The following HDAC9 variants were observed in gnomAD, a reference collection of about 807,000 sequenced individuals.
HDAC9 encodes the protein MEF-2 interacting transcription repressor (MITR) protein.
HDAC9 carries 41 observed loss-of-function variants against 139.4 expected under a neutral mutation model. That is an observed-to-expected ratio of 0.29 (90% CI 0.23 to 0.38). HDAC9 has a LOEUF of 0.38. Among genes scored for constraint, HDAC9 ranks in the 10% least tolerant of loss-of-function variants. HDAC9 has a pLI of 1.00. For missense variants in HDAC9, 1,147 were observed against 1,297.0 expected, an observed-to-expected ratio of 0.88 and a Z score of 1.78; for synonymous variants, 517 against 476.2, an observed-to-expected ratio of 1.09 and a Z score of -1.12.
intron 1 of HDAC9, among the ~76,000 whole-genome samples, chr7:18,408,452 AT>A (rs1229666504): frequency 9.9e-5 from 15 of 152,178 alleles, no homozygotes; most frequent in Admixed American, 4.6e-4. Flanking sequence ...TCTGACATAA[AT>A]CTTTTAATTT....
intron 8 of HDAC9, among the ~76,000 whole-genome samples, chr7:18,643,258 G>A (rs557918903): frequency 1.3e-5 from 2 of 152,200 alleles, no homozygotes; most frequent in South Asian, 2.1e-4. Flanking sequence ...CCCACACATT[G>A]TAATTTTAAA....
chr7:18,285,289 T>G lies in HDAC9; in HGVS notation c.25+122940T>G, dbSNP rs528972459. On this transcript the variant is annotated intron_variant, in intron 2 of 12. Coordinates refer to the HDAC9 transcript ENST00000417496. ...GTTCATTTTTTAGTGTTATTCAGTATTTTCAGTATCATGATTTGTAGAAAT... is the reference window on the plus strand; with the variant it reads ...GTTCATTTTTTAGTGTTATTCAGTAGTTTCAGTATCATGATTTGTAGAAAT... Among the ~76,000 whole-genome samples, 5 of 152,226 alleles carry G rather than the reference T, an allele frequency of 3.3e-5. No homozygotes were observed. The East Asian group carries it at 9.7e-4, about 29-fold the overall frequency.
chr7:18,391,603 A>G (rs890436154), intron 1 of HDAC9, among the ~76,000 whole-genome samples: 2 of 152,172 alleles, frequency 1.3e-5, no homozygotes, highest in East Asian at 1.9e-4. Flanking sequence ...CTCCACACAA[A>G]TAGTGTTACC....
chr7:18,411,010 T>A (rs1034648736), intron 1 of HDAC9, among the ~76,000 whole-genome samples: 2 of 152,236 alleles, frequency 1.3e-5, no homozygotes, highest in African/African-American at 4.8e-5. Context: ...AAATCATTTC[T>A]TGCCAAGTGA....
chr7:18,981,813 A>G (rs1480565729), intron 25 of HDAC9, among the ~76,000 whole-genome samples: 1 of 152,198 alleles, frequency 6.6e-6, no homozygotes, highest in Non-Finnish European at 1.5e-5. Flanking sequence ...AAGGTAACAT[A>G]TTCACACGTT....
intron 2 of HDAC9, among the ~76,000 whole-genome samples, chr7:18,229,459 G>A (rs1163793571): frequency 1.3e-5 from 2 of 152,198 alleles, no homozygotes; most frequent in Non-Finnish European, 2.9e-5. Flanking sequence ...TATTCCAGCA[G>A]CAGGCTCGGT....
chr7:18,436,055 C>A (rs946403856), intron 1 of HDAC9, among the ~76,000 whole-genome samples: 2 of 151,658 alleles, frequency 1.3e-5, no homozygotes, highest in Non-Finnish European at 2.9e-5. Context: ...TGAGCTCAGG[C>A]AATCCACCTG....
chr7:18,193,484 AAGG>A (rs2128152660), intron 2 of HDAC9, among the ~76,000 whole-genome samples: 1 of 152,276 alleles, frequency 6.6e-6, no homozygotes, highest in African/African-American at 2.4e-5. Flanking sequence ...ACTGAAGTAA[AAGG>A]GGGTTTCGTT....
At chr7:18,711,945 T>C (rs1248748301) in intron 12 of HDAC9, among the ~76,000 whole-genome samples, 4 of 151,876 alleles carry the variant, frequency 2.6e-5, no homozygotes, top group African/African-American at 4.8e-5. Context: ...TTTTTTTTTT[T>C]TTCCTTCGGG....
chr7:18,712,664 A>G (rs973484338), intron 12 of HDAC9, among the ~76,000 whole-genome samples: 13 of 152,316 alleles, frequency 8.5e-5, no homozygotes, highest in Admixed American at 8.5e-4. Context: ...AGGTTCATTG[A>G]CATGTTATAA....
At chr7:18,611,028 C>T (rs1836978563) in intron 6 of HDAC9, among the ~76,000 whole-genome samples, 1 of 152,084 alleles carries the variant, frequency 6.6e-6, no homozygotes, top group Non-Finnish European at 1.5e-5. Context: ...TGAAATCCTT[C>T]GTTTTTTGAA....
At chr7:18,170,770 AT>A (rs1261582856) in intron 2 of HDAC9, among the ~76,000 whole-genome samples, 2 of 151,974 alleles carry the variant, frequency 1.3e-5, no homozygotes, top group Non-Finnish European at 2.9e-5. Context: ...GTGTGGTGTT[AT>A]TTCTGAAGCA....
intron 8 of HDAC9, among the ~76,000 whole-genome samples, chr7:18,638,694 C>T (rs1350223816): frequency 6.6e-6 from 1 of 152,062 alleles, no homozygotes; most frequent in Non-Finnish European, 1.5e-5. Context: ...AGGGAAAACT[C>T]ATTAGCATGT....
intron 1 of HDAC9, among the ~76,000 whole-genome samples, chr7:18,328,178 A>G (rs1800616461): frequency 1.3e-5 from 2 of 151,922 alleles, no homozygotes; most frequent in South Asian, 4.1e-4. Flanking sequence ...TTGGAGAGGA[A>G]ACTACACAGT....
rs1164749385 is a variant in HDAC9 at position 18,915,869 on chromosome 7, C to T, written c.2804-19940C>T. Among the ~76,000 whole-genome samples, 3 of 151,708 alleles carry T rather than the reference C, an allele frequency of 2.0e-5. No individual in the cohort carries two copies. In the East Asian group the frequency reaches 5.8e-4, roughly 29 times the overall value. On this transcript the variant is annotated intron_variant, in intron 22 of 25. Coordinates refer to ENST00000686413, the MANE Select transcript of HDAC9 (RefSeq NM_178425.4). ...AATTGTGTTCCTTTGGATATTTTCT[C>T]ATTTACCAATTATGGGACTGGGCCC...
intron 12 of HDAC9, chr7:18,668,530 A>T: frequency 1.0e-6 from 1 of 979,044 alleles, no homozygotes; most frequent in South Asian, 4.7e-5. Context: ...GTAATCACAA[A>T]CAAAAAAAAC....
At chr7:18,598,937 G>A (rs1326577990) in intron 6 of HDAC9, among the ~76,000 whole-genome samples, 1 of 152,220 alleles carries the variant, frequency 6.6e-6, no homozygotes, top group Non-Finnish European at 1.5e-5. Context: ...AGCGACTCAG[G>A]AGGCTGAGGA....
At chr7:18,429,784 A>C (rs1042593453) in intron 1 of HDAC9, among the ~76,000 whole-genome samples, 26 of 152,166 alleles carry the variant, frequency 1.7e-4, no homozygotes, top group African/African-American at 6.0e-4. Flanking sequence ...ATTTAGATAC[A>C]CTTCCATTGA....
intron 21 of HDAC9, among the ~76,000 whole-genome samples, chr7:18,872,518 C>T (rs1316007176): frequency 6.6e-6 from 1 of 152,086 alleles, no homozygotes; most frequent in Non-Finnish European, 1.5e-5. Context: ...ACCACTGATT[C>T]ACGGTAGCAA....
Sources: gnomAD v4.1 joint callset for allele counts (sites outside exome capture counted in the v4.1 genomes callset) on GRCh38, gnomAD v4.1.1 for gene constraint, MANE v1.5 for transcripts, NCBI Gene and HGNC (gene_info 2026-07-23, HGNC 2026-07-21) for gene names.